The following PTPRT variants were observed in gnomAD, a reference collection of about 807,000 sequenced individuals.
The protein encoded by PTPRT is receptor-type tyrosine-protein phosphatase T.
Under a neutral mutation model 176.8 loss-of-function variants are expected in PTPRT, and 56 were observed. That is an observed-to-expected ratio of 0.32 (90% CI 0.26 to 0.40). PTPRT has a LOEUF of 0.40. PTPRT is among the 10% of genes least tolerant of loss of function. The probability of loss-of-function intolerance (pLI) is 1.00; values close to 1 mark genes in which losing one functional copy is unlikely to be tolerated. For synonymous variants in PTPRT, 783 were observed against 739.0 expected (o/e 1.06, Z -0.96); for missense variants, 1,540 against 1,908.2 (o/e 0.81, Z 3.60).
intron 7 of PTPRT, among the ~76,000 whole-genome samples, chr20:42,627,023 A>G (rs1323062654): frequency 4.6e-5 from 7 of 152,074 alleles, no homozygotes; most frequent in Non-Finnish European, 1.0e-4. Context: ...AGGGTCATCA[A>G]TTTCTGTATC....
intron 9 of PTPRT, among the ~76,000 whole-genome samples, chr20:42,420,905 C>T (rs1248963721): frequency 1.3e-5 from 2 of 152,146 alleles, no homozygotes; most frequent in East Asian, 3.9e-4. Context: ...GTAGTTGAAG[C>T]AACCCAGAGT....
chr20:43,155,024 G>A (rs2014477872), intron 1 of PTPRT, among the ~76,000 whole-genome samples: 1 of 152,130 alleles, frequency 6.6e-6, no homozygotes. Context: ...CCGTTAGAAT[G>A]GCTTTCATCA....
chr20:42,930,203 G>A (rs1396971661), intron 1 of PTPRT, among the ~76,000 whole-genome samples: 3 of 152,196 alleles, frequency 2.0e-5, no homozygotes, highest in Non-Finnish European at 2.9e-5. Flanking sequence ...ACTTTTGACA[G>A]CAGCCTGCAG....
chr20:43,002,113 A>G (rs542293011), intron 1 of PTPRT, among the ~76,000 whole-genome samples: 1 of 148,918 alleles, frequency 6.7e-6, no homozygotes, highest in East Asian at 2.2e-4. Flanking sequence ...TCTCCTGTGC[A>G]TGCACTTTCT....
intron 1 of PTPRT, among the ~76,000 whole-genome samples, chr20:43,074,946 G>A (rs1283701398): frequency 6.6e-6 from 1 of 152,196 alleles, no homozygotes; most frequent in Non-Finnish European, 1.5e-5. Context: ...GTGCTGATGT[G>A]CTTACTTCAA....
At chr20:42,292,173 G>A (rs537318075) in intron 12 of PTPRT, among the ~76,000 whole-genome samples, 1 of 152,048 alleles carries the variant, frequency 6.6e-6, no homozygotes, top group East Asian at 1.9e-4. Flanking sequence ...ACAGCGTTGG[G>A]TCCTTAGTCT....
chr20:42,786,254 A>T (rs2145522594), intron 3 of PTPRT, among the ~76,000 whole-genome samples: 1 of 152,320 alleles, frequency 6.6e-6, no homozygotes, highest in Non-Finnish European at 1.5e-5. Flanking sequence ...GAACAGACTA[A>T]TATACCTGAC....
intron 16 of PTPRT, among the ~76,000 whole-genome samples, chr20:42,175,004 G>A (rs954973372): frequency 6.6e-6 from 1 of 151,980 alleles, no homozygotes; most frequent in African/African-American, 2.4e-5. Flanking sequence ...TCTCTCCATG[G>A]CCAGGATCCT....
At chr20:42,766,580 TTTTAACTTATTAA>T (rs1199255285) in intron 5 of PTPRT, among the ~76,000 whole-genome samples, 1 of 152,164 alleles carries the variant, frequency 6.6e-6, no homozygotes, top group African/African-American at 2.4e-5. Flanking sequence ...CTGGTCCTCC[TTTTAACTTATTAA>T]TTTATGATCC....
intron 2 of PTPRT, among the ~76,000 whole-genome samples, chr20:42,800,288 G>A (rs528689477): frequency 6.6e-6 from 1 of 152,286 alleles, no homozygotes; most frequent in African/African-American, 2.4e-5. Context: ...CCACATGTGG[G>A]CACGTTGTGT....
chr20:43,112,084 A>G (rs1380130354), intron 1 of PTPRT, among the ~76,000 whole-genome samples: 1 of 152,254 alleles, frequency 6.6e-6, no homozygotes, highest in Non-Finnish European at 1.5e-5. Context: ...CAGCAATGCA[A>G]CAAAGAAACC....
chr20:42,901,643 C>T (rs2079405651), intron 1 of PTPRT, among the ~76,000 whole-genome samples: 1 of 152,120 alleles, frequency 6.6e-6, no homozygotes, highest in South Asian at 2.1e-4. Context: ...TCGACTTGAC[C>T]ACAGTGGTAG....
chr20:42,636,461 A>T (rs920504586), intron 7 of PTPRT, among the ~76,000 whole-genome samples: 2 of 152,086 alleles, frequency 1.3e-5, no homozygotes, highest in Non-Finnish European at 2.9e-5. Context: ...ATAATCACCA[A>T]TGGCTTTAAG....
intron 11 of PTPRT, among the ~76,000 whole-genome samples, chr20:42,338,810 C>T (rs2058074569): frequency 6.6e-6 from 1 of 152,090 alleles, no homozygotes; most frequent in African/African-American, 2.4e-5. Flanking sequence ...TCAAGGAATT[C>T]AGAGGCACAC....
chr20:42,450,994 G>A (rs747434010), intron 8 of PTPRT, among the ~76,000 whole-genome samples: 1 of 152,198 alleles, frequency 6.6e-6, no homozygotes, highest in Non-Finnish European at 1.5e-5. Flanking sequence ...AGTTAGAGTT[G>A]CTTGATAAGT....
intron 7 of PTPRT, among the ~76,000 whole-genome samples, chr20:42,541,320 T>G (rs543518656): frequency 7.9e-5 from 12 of 152,160 alleles, no homozygotes; most frequent in Admixed American, 3.9e-4. Context: ...GTAGATTAGC[T>G]ATCTATGATA....
chr20:42,465,285 ACT>A (rs2071085270), intron 8 of PTPRT, among the ~76,000 whole-genome samples: 1 of 152,108 alleles, frequency 6.6e-6, no homozygotes, highest in Non-Finnish European at 1.5e-5. Flanking sequence ...TTACTCTGTG[ACT>A]CTTGCAATCC....
chr20:42,101,021 T>G (rs2146230449), intron 26 of PTPRT, among the ~76,000 whole-genome samples: 1 of 152,210 alleles, frequency 6.6e-6, no homozygotes, highest in Non-Finnish European at 1.5e-5. Context: ...GTCAGAGAAG[T>G]TGTTGGCCTT....
intron 2 of PTPRT, among the ~76,000 whole-genome samples, chr20:42,880,573 C>T (rs2078998781): frequency 1.3e-5 from 2 of 152,098 alleles, no homozygotes; most frequent in Non-Finnish European, 2.9e-5. Context: ...TCCTGCTGGG[C>T]CCTGGGCTGT....
Sources: allele counts gnomAD v4.1 joint callset (sites outside exome capture counted in the v4.1 genomes callset), GRCh38; gene constraint gnomAD v4.1.1; transcripts MANE v1.5; gene names NCBI Gene and HGNC (gene_info 2026-07-23, HGNC 2026-07-21).